Variants in PCDH15 observed in about 807,000 individuals in gnomAD.
PCDH15 encodes protocadherin related 15.
PCDH15 carries 129 observed loss-of-function variants against 178.5 expected under a neutral mutation model. The ratio of observed to expected loss-of-function variants is 0.72; its 90% CI spans 0.63 to 0.84. The LOEUF (loss-of-function observed/expected upper bound fraction) is 0.84. Ranked by LOEUF, PCDH15 falls within the 40% of genes least tolerant of loss-of-function variation. The pLI, the probability that PCDH15 is intolerant of heterozygous loss-of-function variation, is 0.00. For missense variants in PCDH15, 2,230 were observed against 2,099.9 expected, an observed-to-expected ratio of 1.06 and a Z score of -1.21; for synonymous variants, 800 against 732.0, an observed-to-expected ratio of 1.09 and a Z score of -1.50.
chr10:54,228,547 G>T (rs1173229302), intron 9 of PCDH15, among the ~76,000 whole-genome samples: 1 of 152,120 alleles, frequency 6.6e-6, no homozygotes, highest in Non-Finnish European at 1.5e-5. Context: ...GCAAATTAGA[G>T]AACCAGAAAA....
intron 2 of PCDH15, among the ~76,000 whole-genome samples, chr10:55,433,049 AACAAAAC>A (rs1180633943): frequency 0.011 from 672 of 61,650 alleles, 7 homozygotes; most frequent in African/African-American, 0.1. Context: ...AACAAAACAA[AACAAAAC>A]AAAAACAGAA....
At chr10:55,623,477 T>G (rs1837450564) in intron 2 of PCDH15, among the ~76,000 whole-genome samples, 1 of 152,094 alleles carries the variant, frequency 6.6e-6, no homozygotes, top group Non-Finnish European at 1.5e-5. Context: ...TGGATTTTTT[T>G]GGGTAGTATG....
At chr10:54,995,244 T>C (rs987451228) in intron 2 of PCDH15, among the ~76,000 whole-genome samples, 1 of 151,866 alleles carries the variant, frequency 6.6e-6, no homozygotes, top group Non-Finnish European at 1.5e-5. Context: ...AGTGTGGTCA[T>C]GGGCGCCTGT....
chr10:53,870,633 T>G (rs1490527588), intron 26 of PCDH15, among the ~76,000 whole-genome samples: 1 of 152,192 alleles, frequency 6.6e-6, no homozygotes, highest in Non-Finnish European at 1.5e-5. Context: ...TTCCAATGGG[T>G]GCCATACTTA....
chr10:54,168,937 C>T (rs996453591), intron 13 of PCDH15, among the ~76,000 whole-genome samples: 65 of 151,222 alleles, frequency 4.3e-4, no homozygotes, highest in Non-Finnish European at 7.4e-4. Flanking sequence ...GAGACAAACC[C>T]CAGCCACATC....
At chr10:55,088,336 T>C (rs1842228588) in intron 2 of PCDH15, among the ~76,000 whole-genome samples, 1 of 152,046 alleles carries the variant, frequency 6.6e-6, no homozygotes, top group Admixed American at 6.6e-5. Context: ...TGGCGTGATC[T>C]TGGCTCACTG....
At chr10:55,105,300 G>T (rs1842648818) in intron 2 of PCDH15, among the ~76,000 whole-genome samples, 1 of 151,540 alleles carries the variant, frequency 6.6e-6, no homozygotes, top group South Asian at 2.1e-4. Flanking sequence ...TTTACAAATT[G>T]TTGTAAATCT....
chr10:54,960,676 T>G (rs1220417723), intron 2 of PCDH15, among the ~76,000 whole-genome samples: 3 of 152,244 alleles, frequency 2.0e-5, no homozygotes, highest in Non-Finnish European at 4.4e-5. Context: ...GTCAAAAGCT[T>G]CTTTTACAAA....
At chr10:54,947,845 C>A (rs925322162) in intron 2 of PCDH15, among the ~76,000 whole-genome samples, 1 of 151,740 alleles carries the variant, frequency 6.6e-6, no homozygotes, top group Non-Finnish European at 1.5e-5. Context: ...TAAATATTTT[C>A]TTAAATCCTT....
intron 2 of PCDH15, among the ~76,000 whole-genome samples, chr10:55,421,008 T>C (rs561172047): frequency 4.9e-4 from 74 of 151,778 alleles, no homozygotes; most frequent in African/African-American, 1.7e-3. Flanking sequence ...TTATGGTAAA[T>C]AGACAAAGTT....
At chr10:55,205,948 CT>C (rs2132164262) in intron 1 of PCDH15, among the ~76,000 whole-genome samples, 1 of 152,060 alleles carries the variant, frequency 6.6e-6, no homozygotes, top group African/African-American at 2.4e-5. Context: ...GCAGAGACCC[CT>C]GTTCTTAAAA....
intron 2 of PCDH15, among the ~76,000 whole-genome samples, chr10:55,590,891 TC>T (rs1842830648): frequency 1.3e-5 from 2 of 152,188 alleles, no homozygotes; most frequent in Admixed American, 6.5e-5. Flanking sequence ...TTTAATGTAC[TC>T]ATTTCCTAAG....
At chr10:54,936,695 AC>A (rs1183977187) in intron 2 of PCDH15, among the ~76,000 whole-genome samples, 24 of 149,570 alleles carry the variant, frequency 1.6e-4, no homozygotes, top group Admixed American at 4.7e-4. Context: ...AGTGTCTATT[AC>A]TTTTTTGCAC....
intron 2 of PCDH15, among the ~76,000 whole-genome samples, chr10:55,120,364 A>G (rs1837734547): frequency 6.6e-6 from 1 of 152,172 alleles, no homozygotes; most frequent in South Asian, 2.1e-4. Context: ...TGGTAATACC[A>G]TGTAGGCAGT....
rs564648510 is a variant in PCDH15, at chr10:54,295,657, T to C, written c.876+21614A>G. ...TCTTTAAGACCTGTAACATTCACTG[T>C]GAAGCTCCGCGCTTCATTCTTGAAG... On this transcript the variant is annotated intron_variant, in intron 8 of 37. Transcript: ENST00000644397. 2.0e-5 allele frequency among the ~76,000 whole-genome samples: 3 copies of C among 152,324 alleles called. No individual in the cohort carries two copies. The East Asian group carries it at 5.8e-4, about 29-fold the overall frequency.
intron 2 of PCDH15, among the ~76,000 whole-genome samples, chr10:55,403,202 C>A (rs899281636): frequency 2.6e-5 from 4 of 151,528 alleles, no homozygotes; most frequent in African/African-American, 9.7e-5. Flanking sequence ...TATTTGTGGG[C>A]TTTTTTATTT....
At chr10:55,535,101 A>G (rs1323510789) in intron 2 of PCDH15, among the ~76,000 whole-genome samples, 1 of 151,982 alleles carries the variant, frequency 6.6e-6, no homozygotes, top group African/African-American at 2.4e-5. Flanking sequence ...CCTATTGGGT[A>G]CTCTTCTCAC....
intron 4 of PCDH15, among the ~76,000 whole-genome samples, chr10:54,375,766 C>CATATAT (rs373857140): frequency 0.016 from 1,733 of 109,796 alleles, 33 homozygotes; most frequent in African/African-American, 0.034. Flanking sequence ...ATATTCAGAG[C>CATATAT]ATATATATAT....
At chr10:54,139,815 T>C (rs1278926090) in intron 14 of PCDH15, among the ~76,000 whole-genome samples, 2 of 152,044 alleles carry the variant, frequency 1.3e-5, no homozygotes, top group African/African-American at 4.8e-5. Context: ...AAGTTATAGA[T>C]ACGAAAATAT....
Sources: gnomAD v4.1 joint callset for allele counts (sites outside exome capture counted in the v4.1 genomes callset) on GRCh38, gnomAD v4.1.1 for gene constraint, MANE v1.5 for transcripts, NCBI Gene and HGNC (gene_info 2026-07-23, HGNC 2026-07-21) for gene names.